NXPE2: variants seen among roughly 807,000 people sequenced by gnomAD.
The protein encoded by NXPE2 is neurexophilin and PC-esterase domain family member 2.
A neutral mutation model predicts 34.4 loss-of-function variants in NXPE2; 34 were observed. That is an observed-to-expected ratio of 0.99 (90% CI 0.75 to 1.31). The LOEUF (loss-of-function observed/expected upper bound fraction) is 1.31. Among genes scored for constraint, NXPE2 ranks in the 40% most tolerant of loss-of-function variants. The pLI is 0.00. For synonymous variants in NXPE2, 235 were observed against 231.3 expected (o/e 1.02, Z -0.15); for missense variants, 649 against 672.5 (o/e 0.97, Z 0.39).
the NXPE2 span, among the ~76,000 whole-genome samples, chr11:114,475,241 T>TG: frequency 1.6e-5 from 1 of 64,168 alleles, no homozygotes; most frequent in Non-Finnish European, 2.7e-5. Flanking sequence ...TTTTTTTTTT[T>TG]TTTTTTTTTT....
At chr11:114,475,226 G>GTTTTTTTTTTTTTTTTTTT in the NXPE2 span, among the ~76,000 whole-genome samples, 6 of 88,068 alleles carry the variant, frequency 6.8e-5, no homozygotes, top group East Asian at 6.9e-4. Context: ...AATGTGAACT[G>GTTTTTTTTTTTTTTTTTTT]TTTTTTTTTT....
chr11:114,630,816 C>T, the NXPE2 span, among the ~76,000 whole-genome samples: 1 of 151,778 alleles, frequency 6.6e-6, no homozygotes, highest in Non-Finnish European at 1.5e-5. Flanking sequence ...TGAACTCAAA[C>T]AAATTTACAA....
the NXPE2 span, among the ~76,000 whole-genome samples, chr11:114,485,850 A>G: frequency 5.9e-5 from 9 of 152,302 alleles, no homozygotes; most frequent in African/African-American, 1.7e-4. Flanking sequence ...TTACGGCTAA[A>G]TAGTACTCCA....
At chr11:114,577,496 A>G in the NXPE2 span, among the ~76,000 whole-genome samples, 1 of 152,102 alleles carries the variant, frequency 6.6e-6, no homozygotes, top group Non-Finnish European at 1.5e-5. Flanking sequence ...AATCACCACT[A>G]AAGAACTTAT....
At chr11:114,608,437 G>T in the NXPE2 span, among the ~76,000 whole-genome samples, 1 of 151,854 alleles carries the variant, frequency 6.6e-6, no homozygotes. Context: ...TGCCTCGCAG[G>T]AAAGCACTGT....
At chr11:114,498,417 C>T in the NXPE2 span, among the ~76,000 whole-genome samples, 1 of 151,964 alleles carries the variant, frequency 6.6e-6, no homozygotes, top group Non-Finnish European at 1.5e-5. Flanking sequence ...ATCACATGTA[C>T]TACATAAATG....
the NXPE2 span, among the ~76,000 whole-genome samples, chr11:114,654,111 A>G: frequency 6.6e-6 from 1 of 152,146 alleles, no homozygotes; most frequent in Non-Finnish European, 1.5e-5. Flanking sequence ...GAAGTTGGAA[A>G]GTAGACCCCA....
chr11:114,806,996 C>G, the NXPE2 span, among the ~76,000 whole-genome samples: 74 of 152,108 alleles, frequency 4.9e-4, no homozygotes, highest in African/African-American at 1.3e-3. Context: ...TGATCTCTCG[C>G]CAGAAACTCT....
chr11:114,699,501 G>C (rs1951325360), intron 3 of NXPE2, among the ~76,000 whole-genome samples: 1 of 152,070 alleles, frequency 6.6e-6, no homozygotes, highest in Non-Finnish European at 1.5e-5. Flanking sequence ...GCAGCCTCTT[G>C]TCTCACCTTT....
chr11:114,734,765 T>C, the NXPE2 span, among the ~76,000 whole-genome samples: 453 of 152,294 alleles, frequency 3.0e-3, no homozygotes, highest in African/African-American at 9.6e-3. Context: ...AAGTACATGT[T>C]CCTAGGTGAC....
intron 2 of NXPE2, 126 bp downstream of exon 2, chr11:114,679,888 G>C (rs982989719): frequency 1.7e-6 from 1 of 594,296 alleles, no homozygotes; most frequent in Non-Finnish European, 3.0e-6. Flanking sequence ...GTGGATCAGG[G>C]GTTCACTGTT....
At chr11:114,560,670 A>C in the NXPE2 span, among the ~76,000 whole-genome samples, 1 of 152,190 alleles carries the variant, frequency 6.6e-6, no homozygotes, top group Non-Finnish European at 1.5e-5. Context: ...ATTATCATAA[A>C]CATTATTTAA....
the NXPE2 span, among the ~76,000 whole-genome samples, chr11:114,560,194 G>A: frequency 2.6e-5 from 4 of 151,800 alleles, no homozygotes; most frequent in Admixed American, 6.6e-5. Context: ...GAAGTCTCAC[G>A]ACAACTCCAA....
chr11:114,733,092 TTTTGTTTG>T, the NXPE2 span, among the ~76,000 whole-genome samples: 176 of 152,150 alleles, frequency 1.2e-3, no homozygotes, highest in African/African-American at 3.9e-3. Flanking sequence ...ATATTGGGTT[TTTTGTTTG>T]TTTGTTTGTT....
the NXPE2 span, among the ~76,000 whole-genome samples, chr11:114,782,493 C>T: frequency 6.6e-6 from 1 of 152,174 alleles, no homozygotes; most frequent in African/African-American, 2.4e-5. Context: ...CCATTTTGTG[C>T]CTTATGCTTT....
At chr11:114,777,401 T>C in the NXPE2 span, among the ~76,000 whole-genome samples, 1 of 152,230 alleles carries the variant, frequency 6.6e-6, no homozygotes, top group Non-Finnish European at 1.5e-5. Flanking sequence ...TGGGGTGAAC[T>C]AGAAGCCTGG....
chr11:114,784,539 G>A, the NXPE2 span, among the ~76,000 whole-genome samples: 262 of 152,060 alleles, frequency 1.7e-3, 5 homozygotes, highest in East Asian at 0.043. Context: ...TGGATTTCGC[G>A]TCTCACTCAC....
chr11:114,674,231 C>T (rs1433954287), upstream of NXPE2, among the ~76,000 whole-genome samples: 3 of 151,526 alleles, frequency 2.0e-5, no homozygotes, highest in Non-Finnish European at 3.0e-5. Flanking sequence ...AAGTTCATAC[C>T]AACAAAAATG....
chr11:114,650,017 C>T, the NXPE2 span, among the ~76,000 whole-genome samples: 1 of 152,198 alleles, frequency 6.6e-6, no homozygotes, highest in Non-Finnish European at 1.5e-5. Flanking sequence ...ATAAAGATTT[C>T]TGTTTCTACA....
Sources: allele counts gnomAD v4.1 joint callset (sites outside exome capture counted in the v4.1 genomes callset), GRCh38; gene constraint gnomAD v4.1.1; transcripts MANE v1.5; gene names NCBI Gene and HGNC (gene_info 2026-07-23, HGNC 2026-07-21).